Variants in ITPR1 observed in about 807,000 individuals in gnomAD.
ITPR1 encodes inositol 1,4,5-trisphosphate-gated calcium channel ITPR1.
Under a neutral mutation model 318.4 loss-of-function variants are expected in ITPR1, and 96 were observed. The ratio of observed to expected loss-of-function variants is 0.30; its 90% CI spans 0.26 to 0.36. The LOEUF (loss-of-function observed/expected upper bound fraction) is 0.36. Ranked by LOEUF, ITPR1 falls within the 10% of genes least tolerant of loss-of-function variation. The pLI is 1.00. For missense variants in ITPR1, 2,440 were observed against 3,460.2 expected (o/e 0.71, Z 7.40); for synonymous variants, 1,312 against 1,289.9 (o/e 1.02, Z -0.37).
intron 44 of ITPR1, among the ~76,000 whole-genome samples, chr3:4,751,979 G>A (rs757788899): frequency 3.3e-5 from 5 of 152,122 alleles, no homozygotes; most frequent in African/African-American, 4.8e-5. Context: ...GGTCCTCTGA[G>A]TTCCTCTTTG....
chr3:4,499,815 T>C (rs904807238), intron 2 of ITPR1, among the ~76,000 whole-genome samples: 3 of 152,226 alleles, frequency 2.0e-5, no homozygotes, highest in Non-Finnish European at 4.4e-5. Context: ...TTTTCTTTTT[T>C]AAATTGAGAA....
At position 4,658,252 on chromosome 3, in the gene ITPR1, G is replaced by A. The variant is rs2306869; in HGVS notation, c.1125G>A (p.Leu375=). The change falls in exon 13 of 62, where the codon CTG becomes CTA. Residue 375 remains leucine (L), a synonymous_variant. Transcript: ENST00000649015. ...TTTTCGAGCTAGATCCCACCACTCT[G>A]CGTGGAGGTGACAGCCTTGTCCCAA... ...SSIFELDPTT[L]RGGDSLVPRN... is the part of the protein sequence containing the mutation. The A allele has an allele frequency of 7.5e-3, 12,040 of 1,612,258 alleles. 649 individuals are homozygous for A. In the African/African-American group the frequency reaches 0.13, roughly 17 times the overall value.
intron 5 of ITPR1, among the ~76,000 whole-genome samples, chr3:4,636,365 A>G (rs2093189868): frequency 6.6e-6 from 1 of 152,198 alleles, no homozygotes; most frequent in African/African-American, 2.4e-5. Context: ...TTATAACAGA[A>G]TTAAAATAGT....
chr3:4,696,610 A>G (rs1261322285), intron 33 of ITPR1, among the ~76,000 whole-genome samples: 1 of 151,070 alleles, frequency 6.6e-6, no homozygotes. Context: ...TGTTTTCATT[A>G]ACCATAGTGG....
chr3:4,719,262 C>G (rs1313683907), intron 40 of ITPR1, among the ~76,000 whole-genome samples: 1 of 152,350 alleles, frequency 6.6e-6, no homozygotes, highest in Non-Finnish European at 1.5e-5. Context: ...TGTGGATCCC[C>G]TTCTGCGTTG....
At chr3:4,634,910 T>G (rs1181744921) in intron 5 of ITPR1, among the ~76,000 whole-genome samples, 2 of 152,146 alleles carry the variant, frequency 1.3e-5, no homozygotes, top group Non-Finnish European at 2.9e-5. Context: ...GGCTAATTTT[T>G]GGGGGTATTT....
intron 5 of ITPR1, among the ~76,000 whole-genome samples, chr3:4,638,710 G>A (rs181739764): frequency 2.8e-4 from 43 of 152,220 alleles, no homozygotes; most frequent in Admixed American, 2.2e-3. Context: ...GCTATGCAAG[G>A]GTGACCAAAT....
intron 4 of ITPR1, among the ~76,000 whole-genome samples, chr3:4,564,446 C>A (rs1300562885): frequency 6.6e-6 from 1 of 152,200 alleles, no homozygotes; most frequent in Non-Finnish European, 1.5e-5. Context: ...AGGTCCCACC[C>A]CGCTCCAGTA....
At chr3:4,613,575 G>A (rs1052173810) in intron 4 of ITPR1, among the ~76,000 whole-genome samples, 2 of 152,100 alleles carry the variant, frequency 1.3e-5, no homozygotes, top group African/African-American at 2.4e-5. Flanking sequence ...AAGGGGAGTC[G>A]GTGATGTCAT....
At chr3:4,797,491 G>A (rs886150127) in intron 53 of ITPR1, among the ~76,000 whole-genome samples, 1 of 152,100 alleles carries the variant, frequency 6.6e-6, no homozygotes, top group African/African-American at 2.4e-5. Flanking sequence ...GTTTGCAACT[G>A]CCAAGAACCA....
intron 4 of ITPR1, among the ~76,000 whole-genome samples, chr3:4,608,259 CCTT>C (rs1176041954): frequency 6.6e-6 from 1 of 152,142 alleles, no homozygotes; most frequent in Non-Finnish European, 1.5e-5. Context: ...CATTTTAAAA[CCTT>C]CTCCATGTGA....
At chr3:4,540,315 T>C (rs1326968463) in intron 4 of ITPR1, among the ~76,000 whole-genome samples, 6 of 152,194 alleles carry the variant, frequency 3.9e-5, no homozygotes, top group African/African-American at 1.2e-4. Context: ...ACACCAGAAT[T>C]GTTTTAGTTA....
At chr3:4,564,924 C>T (rs184961241) in intron 4 of ITPR1, among the ~76,000 whole-genome samples, 14 of 152,268 alleles carry the variant, frequency 9.2e-5, no homozygotes, top group African/African-American at 1.7e-4. Flanking sequence ...ACAATGGGGA[C>T]GCAGTTCAGT....
At chr3:4,763,191 G>A (rs2045571410) in intron 44 of ITPR1, among the ~76,000 whole-genome samples, 1 of 152,068 alleles carries the variant, frequency 6.6e-6, no homozygotes, top group African/African-American at 2.4e-5. Flanking sequence ...ACACACACTG[G>A]GTCCTGTTGG....
chr3:4,504,636 C>T (rs2081272849), intron 2 of ITPR1, among the ~76,000 whole-genome samples: 1 of 151,982 alleles, frequency 6.6e-6, no homozygotes, highest in Non-Finnish European at 1.5e-5. Context: ...GCATTATGTC[C>T]AAGTCAAAAA....
intron 2 of ITPR1, 143 bp from the exon 3 acceptor site, chr3:4,516,333 C>T (rs186128050): frequency 6.3e-5 from 33 of 523,856 alleles, no homozygotes; most frequent in Non-Finnish European, 7.7e-5. Flanking sequence ...CTCATTGAAT[C>T]GCCTGCCTGT....
chr3:4,617,659 C>G (rs1331828186), intron 4 of ITPR1, among the ~76,000 whole-genome samples: 2 of 152,066 alleles, frequency 1.3e-5, no homozygotes, highest in African/African-American at 4.8e-5. Context: ...AAAAACTGAA[C>G]ACCAATTGAG....
At chr3:4,570,259 A>C (rs1177061257) in intron 4 of ITPR1, among the ~76,000 whole-genome samples, 1 of 152,258 alleles carries the variant, frequency 6.6e-6, no homozygotes, top group Non-Finnish European at 1.5e-5. Flanking sequence ...ATTTCAGTTC[A>C]TCATGAATGT....
intron 36 of ITPR1, among the ~76,000 whole-genome samples, chr3:4,705,005 T>C (rs531771460): frequency 1.3e-5 from 2 of 152,302 alleles, no homozygotes; most frequent in African/African-American, 4.8e-5. Context: ...GGCTGGCTTA[T>C]AGTTTTTTTT....
Sources: gnomAD v4.1 joint callset for allele counts (sites outside exome capture counted in the v4.1 genomes callset) on GRCh38, gnomAD v4.1.1 for gene constraint, MANE v1.5 for transcripts, NCBI Gene and HGNC (gene_info 2026-07-23, HGNC 2026-07-21) for gene names.